TBCEL: variants seen among roughly 807,000 people sequenced by gnomAD.
TBCEL encodes the protein tubulin-specific chaperone cofactor E-like protein.
TBCEL carries 15 observed loss-of-function variants against 44.2 expected under a neutral mutation model. The observed-to-expected ratio is 0.34, with a 90% CI of 0.23 to 0.52. The LOEUF is 0.52. Among genes scored for constraint, TBCEL ranks in the 20% least tolerant of loss-of-function variants. The probability of loss-of-function intolerance (pLI) is 0.95; values close to 1 mark genes in which losing one functional copy is unlikely to be tolerated. For synonymous variants in TBCEL, 171 were observed against 185.4 expected, an observed-to-expected ratio of 0.92 and a Z score of 0.63; for missense variants, 319 against 506.3, an observed-to-expected ratio of 0.63 and a Z score of 3.55.
intron 2 of TBCEL, among the ~76,000 whole-genome samples, chr11:121,036,858 A>G (rs1323028930): frequency 6.6e-6 from 1 of 152,234 alleles, no homozygotes; most frequent in South Asian, 2.1e-4. Context: ...TAGAAAATAT[A>G]GACAGCTCTG....
chr11:121,034,601 G>A (rs1945198907), intron 1 of TBCEL, among the ~76,000 whole-genome samples: 2 of 151,952 alleles, frequency 1.3e-5, no homozygotes, highest in South Asian at 2.1e-4. Context: ...ACATTTATGG[G>A]GTGTCAATTA....
At position 121,045,767 on chromosome 11, in the gene TBCEL, G is replaced by A. The variant is rs896380987; in HGVS notation, c.77G>A (p.Arg26His). The A allele has an allele frequency of 3.7e-6, 6 of 1,611,322 alleles. No homozygotes were observed. The highest frequency in any genetic ancestry group is 2.2e-5 in the East Asian group (1 of 44,786). Residue 26 changes from arginine (R) to histidine (H), a missense_variant, in exon 3 of 9, where the codon CGT becomes CAT. Arg to His is a conservative substitution (Grantham distance 29). Coordinates refer to ENST00000683345, the MANE Select transcript of TBCEL (RefSeq NM_001363644.2). The part of the protein sequence containing the change: ...KYSPENFPYR[R>H]GPGMGVHVPA... ...AGTCCTGAAAATTTTCCTTATCGCC[G>A]TGGCCCGGGGATGGGAGTCCATGTC...
At chr11:121,086,738 T>C (rs1236214839) in intron 8 of TBCEL, 40 bp from the exon 9 acceptor site, 1 of 1,472,856 alleles carries the variant, frequency 6.8e-7, no homozygotes, top group East Asian at 2.3e-5. Context: ...GTACATGTGC[T>C]AGTAGTTTAA....
intron 6 of TBCEL, among the ~76,000 whole-genome samples, chr11:121,056,374 T>C (rs1248903931): frequency 1.3e-5 from 2 of 151,828 alleles, no homozygotes; most frequent in Non-Finnish European, 1.5e-5. Context: ...TTTTATCTAC[T>C]CACCTACTTA....
At chr11:121,059,437 A>G (rs897384651) in intron 7 of TBCEL, among the ~76,000 whole-genome samples, 3 of 151,920 alleles carry the variant, frequency 2.0e-5, no homozygotes, top group African/African-American at 4.8e-5. Flanking sequence ...ATGTGTGGCT[A>G]TGAGTACTTG....
chr11:121,079,311 GATA>G (rs969427057), intron 8 of TBCEL, among the ~76,000 whole-genome samples: 17 of 152,316 alleles, frequency 1.1e-4, no homozygotes, highest in Middle Eastern at 6.8e-3. Flanking sequence ...AAGTGTAGGT[GATA>G]ATAAGAGAAA....
At chr11:121,053,962 A>G (rs17124739) in intron 5 of TBCEL, among the ~76,000 whole-genome samples, 36,554 of 151,580 alleles carry the variant, frequency 0.24, 4,494 homozygotes, top group East Asian at 0.33. Context: ...GTCATCTCTG[A>G]GCTAGAAAAT....
At chr11:121,064,230 T>A (rs1945776132) in intron 8 of TBCEL, among the ~76,000 whole-genome samples, 1 of 152,214 alleles carries the variant, frequency 6.6e-6, no homozygotes, top group African/African-American at 2.4e-5. Context: ...TTTTTCACAT[T>A]TACCCTTGAG....
At chr11:121,054,836 C>G in intron 5 of TBCEL, 1 of 420,706 alleles carries the variant, frequency 2.4e-6, no homozygotes, top group Non-Finnish European at 4.1e-6. Flanking sequence ...TTTCGCACTA[C>G]CTTATATCAT....
rs759390238 is a variant in TBCEL at position 121,047,652 on chromosome 11, C to T, written c.258C>T (p.Leu86=). The change falls in exon 4 of 9, where the codon CTC becomes CTT. Residue 86 remains leucine (L), a synonymous_variant. Transcript: ENST00000683345. ...VSELDLSDNK[L]EDWHEVSKIV... ...AACTAGATCTTTCTGACAACAAACT[C>T]GAAGACTGGCATGAGGTGAAGTTTT... 10 of 1,612,196 alleles carry T rather than the reference C, an allele frequency of 6.2e-6. No individual in the cohort carries two copies. The highest frequency in any genetic ancestry group is 1.3e-5 in the African/African-American group (1 of 74,758).
In TBCEL at chr11:121,058,351, A is replaced by G; in HGVS notation, c.719A>G (p.Gln240Arg). 6.2e-7 allele frequency: 1 copy of G among 1,611,028 alleles called. No individual in the cohort carries two copies. The highest frequency in any genetic ancestry group is 8.5e-7 in the Non-Finnish European group (1 of 1,177,868). ...RSISLHKSGL[Q>R]SWEDIDKLNS... Reference sequence around the variant, plus strand: ...CAATATGTTCTCAAATTAGGTTTGCAGTCCTGGGAAGACATTGATAAACTA... The same window carrying G: ...CAATATGTTCTCAAATTAGGTTTGCGGTCCTGGGAAGACATTGATAAACTA... Residue 240 changes from glutamine (Q) to arginine (R), a missense_variant, in exon 7 of 9, where the codon CAG (glutamine) becomes CGG (arginine). Physicochemically the swap from Gln to Arg is conservative, Grantham distance 43. Coordinates refer to ENST00000683345, the MANE Select transcript of TBCEL (RefSeq NM_001363644.2).
rs1565499519 is a variant in TBCEL at position 121,058,332 on chromosome 11, G to A, written c.713-13G>A. ...ATCTCTGGATTTACTTAAACAATAT[G>A]TTCTCAAATTAGGTTTGCAGTCCTG... On this transcript the variant is annotated splice_polypyrimidine_tract_variant and intron_variant, in intron 6 of 8. Transcript: ENST00000683345. 6.2e-7 allele frequency: 1 copy of A among 1,609,116 alleles called. No homozygotes were observed. Among genetic ancestry groups the A allele is most frequent in the Non-Finnish European group, 8.5e-7 (1 of 1,176,918 alleles).
chr11:121,068,818 C>T (rs1300673455), intron 8 of TBCEL, among the ~76,000 whole-genome samples: 2 of 149,898 alleles, frequency 1.3e-5, no homozygotes, highest in African/African-American at 2.5e-5. Flanking sequence ...ACCCGAGAGG[C>T]GGAGGTTGCG....
At chr11:121,027,637 T>C (rs1945069807) in intron 1 of TBCEL, among the ~76,000 whole-genome samples, 1 of 152,220 alleles carries the variant, frequency 6.6e-6, no homozygotes, top group Admixed American at 6.5e-5. Context: ...AAAGTCTGCA[T>C]ATAAAATGTT....
rs533305856 is a variant in TBCEL at position 121,074,025 on chromosome 11, T to C, written c.957-12753T>C. On this transcript the variant is annotated intron_variant, in intron 8 of 8. Coordinates refer to ENST00000683345, the MANE Select transcript of TBCEL (RefSeq NM_001363644.2). ...TCTGTAATTTTTTGTGGTTCTTGTCTGGTTTTATGAAGGTTGTACTAGCTT... is the reference window on the plus strand; with the variant it reads ...TCTGTAATTTTTTGTGGTTCTTGTCCGGTTTTATGAAGGTTGTACTAGCTT... 3.3e-5 allele frequency among the ~76,000 whole-genome samples: 5 copies of C among 152,144 alleles called. No homozygotes were observed. The South Asian group carries it at 1.0e-3, about 32-fold the overall frequency.
chr11:121,078,460 T>C (rs1454362296), intron 8 of TBCEL, among the ~76,000 whole-genome samples: 4 of 152,230 alleles, frequency 2.6e-5, no homozygotes, highest in African/African-American at 9.6e-5. Flanking sequence ...CCTGCAGTAA[T>C]TACAGAGCTA....
At chr11:121,044,400 G>C (rs1217884929) in intron 2 of TBCEL, among the ~76,000 whole-genome samples, 1 of 152,050 alleles carries the variant, frequency 6.6e-6, no homozygotes, top group African/African-American at 2.4e-5. Flanking sequence ...CTCCTAGTTA[G>C]ATGCTCCTGA....
intron 8 of TBCEL, among the ~76,000 whole-genome samples, chr11:121,085,452 G>T (rs1425866056): frequency 6.6e-6 from 1 of 152,072 alleles, no homozygotes; most frequent in Non-Finnish European, 1.5e-5. Context: ...TATTTTATTT[G>T]GTTCTTATGA....
intron 4 of TBCEL, among the ~76,000 whole-genome samples, chr11:121,051,376 A>G (rs1470725634): frequency 6.6e-6 from 1 of 151,740 alleles, no homozygotes; most frequent in Non-Finnish European, 1.5e-5. Context: ...CAAAGGGTTT[A>G]TGTTTTGTTT....
Sources: allele counts gnomAD v4.1 joint callset (sites outside exome capture counted in the v4.1 genomes callset), GRCh38; gene constraint gnomAD v4.1.1; transcripts MANE v1.5; gene names NCBI Gene and HGNC (gene_info 2026-07-23, HGNC 2026-07-21).